Variants in ELOVL4 observed in about 807,000 individuals in gnomAD.
The protein encoded by ELOVL4 is very long chain fatty acid elongase 4.
ELOVL4 carries 18 observed loss-of-function variants against 42.1 expected under a neutral mutation model. That is an observed-to-expected ratio of 0.43 (90% CI 0.30 to 0.63). ELOVL4 has a LOEUF of 0.63. Ranked by LOEUF, ELOVL4 falls within the 30% of genes least tolerant of loss-of-function variation. The pLI is 0.15. For missense variants in ELOVL4, 299 were observed against 376.2 expected, an observed-to-expected ratio of 0.79 and a Z score of 1.70; for synonymous variants, 117 against 127.0, an observed-to-expected ratio of 0.92 and a Z score of 0.53.
intron 1 of ELOVL4, among the ~76,000 whole-genome samples, chr6:79,942,437 G>A (rs1411395898): frequency 6.6e-6 from 1 of 151,988 alleles, no homozygotes; most frequent in East Asian, 1.9e-4. Flanking sequence ...TACTCATTTC[G>A]GTGTGCTAAT....
Position 79,934,550 on chromosome 6 carries a change from C to G in ELOVL4, c.101-8169G>C, listed in dbSNP as rs4385268. Among the ~76,000 whole-genome samples, 4 of 152,248 alleles carry G rather than the reference C, an allele frequency of 2.6e-5. No individual in the cohort carries two copies. In the South Asian group the frequency reaches 6.2e-4, roughly 24 times the overall value. On this transcript the variant is annotated intron_variant, in intron 1 of 5. Coordinates refer to ENST00000369816, the MANE Select transcript of ELOVL4 (RefSeq NM_022726.4). Reference sequence around the variant, plus strand: ...AAATTTACATCTTCACAAAGTATGTCTCATGTCAGAGATAATCTGAGCCCC... The same window carrying G: ...AAATTTACATCTTCACAAAGTATGTGTCATGTCAGAGATAATCTGAGCCCC...
In ELOVL4 at chr6:79,915,646, T is replaced by C. The variant is rs530070127; in HGVS notation, c.*962A>G. ...TTAGAAGACTCCTTGATTTTTTAAT[T>C]AAAATTTATTTAATTTTAAATGTTC... On this transcript the variant is annotated 3_prime_UTR_variant, in exon 6 of 6. Transcript: ENST00000369816. The C allele has an allele frequency of 2.6e-5, 4 of 152,528 alleles. No homozygotes were observed. Among genetic ancestry groups the C allele is most frequent in the Non-Finnish European group, 5.9e-5 (4 of 68,018 alleles). 9.4% of individuals were successfully genotyped at this position (152,528 alleles called of 1,614,324 possible).
chr6:79,943,248 G>A (rs546032481), intron 1 of ELOVL4, among the ~76,000 whole-genome samples: 14 of 152,198 alleles, frequency 9.2e-5, no homozygotes, highest in African/African-American at 2.9e-4. Flanking sequence ...AGACAAACCT[G>A]CTTTTACTTC....
Position 79,947,344 on chromosome 6 carries a change from A to AGGCGGT in ELOVL4, c.-71_-66dup. ...GACCCAGAGAGAGGGCTGACCCCGG[A>AGGCGGT]GGCGGTGGCGGCCGACGGGGCGAGC... On this transcript the variant is annotated 5_prime_UTR_variant, in exon 1 of 6. Transcript: ENST00000369816. 7.4e-7 allele frequency: 1 copy of AGGCGGT among 1,347,084 alleles called. No individual in the cohort carries two copies. The highest frequency in any genetic ancestry group is 1.4e-5 in the African/African-American group (1 of 69,686). 83.4% of individuals were successfully genotyped at this position (1,347,084 alleles called of 1,614,324 possible). A position where few individuals can be genotyped will look rare whatever the true frequency, so the allele number is the denominator to read the frequency against.
chr6:79,920,682 C>T (rs1384223486), intron 4 of ELOVL4, among the ~76,000 whole-genome samples: 2 of 152,106 alleles, frequency 1.3e-5, no homozygotes, highest in Non-Finnish European at 2.9e-5. Context: ...GTACTCTGAA[C>T]ATCAGAAAGC....
intron 1 of ELOVL4, among the ~76,000 whole-genome samples, chr6:79,944,386 C>G (rs982419250): frequency 6.6e-5 from 10 of 152,194 alleles, no homozygotes; most frequent in Non-Finnish European, 1.5e-4. Context: ...CTACACCAGC[C>G]TATACTTTAA....
Position 79,944,620 on chromosome 6 carries a change from G to C in ELOVL4, c.100+2560C>G, listed in dbSNP as rs137858550. 2.6e-3 allele frequency among the ~76,000 whole-genome samples: 400 copies of C among 152,174 alleles called. 2 individuals carry two copies. The highest frequency in any genetic ancestry group is 8.6e-3 in the African/African-American group (359 of 41,520). On this transcript the variant is annotated intron_variant, in intron 1 of 5. Transcript: ENST00000369816. ...CTGAAAAGCCCAGTTTTCAGACATT[G>C]CTTTGGATATGTTTGGATATTTAAA...
intron 3 of ELOVL4, among the ~76,000 whole-genome samples, chr6:79,923,482 AG>A (rs564314614): frequency 2.0e-5 from 3 of 152,228 alleles, no homozygotes; most frequent in Non-Finnish European, 4.4e-5. Flanking sequence ...GAAGTCAGTC[AG>A]TCAAACACTT....
intron 3 of ELOVL4, 143 bp downstream of exon 3, chr6:79,924,809 T>C (rs139301570): frequency 5.4e-5 from 35 of 643,666 alleles, no homozygotes; most frequent in Middle Eastern, 4.2e-4. Flanking sequence ...CACTTCAGTC[T>C]GGGGGACAGA....
chr6:79,916,546 G>T lies in ELOVL4; in HGVS notation c.*62C>A. 6.2e-7 allele frequency: 1 copy of T among 1,603,338 alleles called. No individual in the cohort carries two copies. The highest frequency in any genetic ancestry group is 2.2e-4 in the Middle Eastern group (1 of 4,500). ...GCTCTCCTTTGCTTCTGTTTTCCCT[G>T]AAATTTTATATGATATGGGAGTTTT... On this transcript the variant is annotated 3_prime_UTR_variant, in exon 6 of 6. Coordinates refer to ENST00000369816, the MANE Select transcript of ELOVL4 (RefSeq NM_022726.4).
At chr6:79,921,569 C>G in intron 4 of ELOVL4, 56 bp downstream of exon 4, 1 of 1,500,006 alleles carries the variant, frequency 6.7e-7, no homozygotes, top group Non-Finnish European at 9.2e-7. Context: ...TCATTGCTTT[C>G]CACTGAACAC....
At chr6:79,947,135 C>T in intron 1 of ELOVL4, 45 bp downstream of exon 1, 1 of 1,517,702 alleles carries the variant, frequency 6.6e-7, no homozygotes, top group Non-Finnish European at 9.1e-7. Context: ...GGCCGGTGAC[C>T]CCCCGCGGGG....
intron 1 of ELOVL4, among the ~76,000 whole-genome samples, chr6:79,941,681 GTGAAATCCCCACTCTA>G: frequency 6.6e-6 from 1 of 152,256 alleles, no homozygotes; most frequent in South Asian, 2.1e-4. Flanking sequence ...GGGCAACATG[GTGAAATCCCCACTCTA>G]TGAAAAACAA....
At chr6:79,936,812 G>T (rs1221840109) in intron 1 of ELOVL4, among the ~76,000 whole-genome samples, 1 of 152,168 alleles carries the variant, frequency 6.6e-6, no homozygotes, top group Non-Finnish European at 1.5e-5. Context: ...CTGGACAAAT[G>T]AGGCAGGTAA....
Position 79,947,544 on chromosome 6 carries a change from A to G in ELOVL4, c.-265T>C, listed in dbSNP as rs927169138. 6.3e-6 allele frequency: 3 copies of G among 473,186 alleles called. No individual in the cohort carries two copies. Among genetic ancestry groups the G allele is most frequent in the African/African-American group, 2.0e-5 (1 of 48,856 alleles). 29.3% of individuals were successfully genotyped at this position (473,186 alleles called of 1,614,324 possible). A position where few individuals can be genotyped will look rare whatever the true frequency, so the allele number is the denominator to read the frequency against. On this transcript the variant is annotated 5_prime_UTR_variant, in exon 1 of 6. Coordinates refer to ENST00000369816, the MANE Select transcript of ELOVL4 (RefSeq NM_022726.4). ...CCCAGCCGCCAGCACAGTGCGCTGC[A>G]CCAGTCTGCAGCCTCGCGCAGCCGC...
chr6:79,936,239 A>G (rs1774540280), intron 1 of ELOVL4, among the ~76,000 whole-genome samples: 1 of 152,248 alleles, frequency 6.6e-6, no homozygotes, highest in African/African-American at 2.4e-5. Context: ...CAAGACACCA[A>G]GAAGTCTGTA....
intron 5 of ELOVL4, among the ~76,000 whole-genome samples, chr6:79,918,242 G>C (rs76586878): frequency 6.6e-6 from 1 of 152,006 alleles, no homozygotes; most frequent in Non-Finnish European, 1.5e-5. Context: ...ATTTTCCTTG[G>C]CAAATATTTT....
intron 3 of ELOVL4, among the ~76,000 whole-genome samples, chr6:79,923,651 C>A (rs1036381216): frequency 1.3e-5 from 2 of 152,162 alleles, no homozygotes. Context: ...CCTCCTTAGT[C>A]ATTTGTTTAC....
intron 1 of ELOVL4, among the ~76,000 whole-genome samples, chr6:79,928,733 T>TTG: frequency 7.3e-6 from 1 of 136,402 alleles, no homozygotes. Context: ...CTGGGTTTTT[T>TTG]TTTTTTTTTT....
Sources: allele counts gnomAD v4.1 joint callset (sites outside exome capture counted in the v4.1 genomes callset), GRCh38; gene constraint gnomAD v4.1.1; transcripts MANE v1.5; gene names NCBI Gene and HGNC (gene_info 2026-07-23, HGNC 2026-07-21).